KCNMA1: variants seen among roughly 807,000 people sequenced by gnomAD.
The protein encoded by KCNMA1 is potassium calcium-activated channel subfamily M alpha 1.
In KCNMA1, 29 loss-of-function variants were observed where a neutral mutation model predicts 140.0. The ratio of observed to expected loss-of-function variants is 0.21; its 90% CI spans 0.15 to 0.28. The LOEUF is 0.28. Ranked by LOEUF, KCNMA1 falls within the 10% of genes least tolerant of loss-of-function variation. The pLI is 1.00. For synonymous variants in KCNMA1, 612 were observed against 611.9 expected (o/e 1.00, Z 0.00); for missense variants, 880 against 1,602.2 (o/e 0.55, Z 7.70).
chr10:77,062,400 G>C (rs1343585749), intron 14 of KCNMA1, among the ~76,000 whole-genome samples: 1 of 152,102 alleles, frequency 6.6e-6, no homozygotes, highest in African/African-American at 2.4e-5. Flanking sequence ...TACCTAACCC[G>C]TCCGGATCTC....
intron 2 of KCNMA1, among the ~76,000 whole-genome samples, chr10:77,370,613 C>T (rs577003121): frequency 2.0e-5 from 3 of 152,112 alleles, no homozygotes; most frequent in Non-Finnish European, 4.4e-5. Flanking sequence ...ACTGCAGAAC[C>T]ACAGCATGTT....
At chr10:76,926,354 T>G (rs76652155) in intron 23 of KCNMA1, among the ~76,000 whole-genome samples, 2,693 of 152,270 alleles carry the variant, frequency 0.018, 82 homozygotes, top group African/African-American at 0.062. Context: ...AGTTTCCTCA[T>G]CTGCAAATTG....
intron 1 of KCNMA1, among the ~76,000 whole-genome samples, chr10:77,596,617 T>C (rs531128905): frequency 4.6e-5 from 7 of 152,294 alleles, no homozygotes; most frequent in African/African-American, 1.7e-4. Context: ...TGGGGAAGCA[T>C]TATCCTTAAG....
intron 5 of KCNMA1, among the ~76,000 whole-genome samples, chr10:77,178,863 T>G (rs1598030332): frequency 6.6e-6 from 1 of 152,200 alleles, no homozygotes; most frequent in East Asian, 1.9e-4. Context: ...AAGCTCTCAT[T>G]TCAAGGTGCA....
intron 3 of KCNMA1, among the ~76,000 whole-genome samples, chr10:77,208,264 T>C (rs748176119): frequency 7.2e-5 from 11 of 152,238 alleles, no homozygotes; most frequent in Non-Finnish European, 8.8e-5. Context: ...AAATGCCCAA[T>C]GTAAGAGCAC....
At chr10:77,537,912 G>A (rs981491395) in intron 1 of KCNMA1, among the ~76,000 whole-genome samples, 35 of 152,126 alleles carry the variant, frequency 2.3e-4, no homozygotes, top group African/African-American at 1.4e-4. Flanking sequence ...TTCCACGCCC[G>A]TTATGATGAT....
chr10:77,466,032 C>A (rs888133572), intron 1 of KCNMA1, among the ~76,000 whole-genome samples: 1 of 152,168 alleles, frequency 6.6e-6, no homozygotes, highest in African/African-American at 2.4e-5. Flanking sequence ...AAGTAGGATG[C>A]CCAGCAAGGG....
chr10:77,400,470 T>C (rs1404790743), intron 2 of KCNMA1, among the ~76,000 whole-genome samples: 2 of 152,258 alleles, frequency 1.3e-5, no homozygotes, highest in East Asian at 3.9e-4. Context: ...GGCTAAAAGA[T>C]GGTAATGTCA....
rs923907624 is a variant in KCNMA1, at chr10:77,027,694, C to G, written c.1928+129G>C. 5 of 817,602 alleles carry G rather than the reference C, an allele frequency of 6.1e-6. No homozygotes were observed. In the Admixed American group the frequency reaches 8.6e-5, roughly 14 times the overall value. 50.6% of individuals were successfully genotyped at this position (817,602 alleles called of 1,614,324 possible). A position where few individuals can be genotyped will look rare whatever the true frequency, so the allele number is the denominator to read the frequency against. ...CATGCCTCGAAATGTGCTCTAGGGTCAGAGAGGTTTTACATCTGGTTCCAT... is the reference window on the plus strand; with the variant it reads ...CATGCCTCGAAATGTGCTCTAGGGTGAGAGAGGTTTTACATCTGGTTCCAT... On this transcript the variant is annotated intron_variant, in intron 16 of 27. Coordinates refer to ENST00000286628, the MANE Select transcript of KCNMA1 (RefSeq NM_001161352.2).
At chr10:77,559,529 G>C (rs1341656347) in intron 1 of KCNMA1, among the ~76,000 whole-genome samples, 1 of 152,188 alleles carries the variant, frequency 6.6e-6, no homozygotes, top group African/African-American at 2.4e-5. Context: ...AGAACCTGTT[G>C]AGGCCACACC....
intron 2 of KCNMA1, among the ~76,000 whole-genome samples, chr10:77,255,661 C>T (rs2060569963): frequency 2.6e-5 from 4 of 151,826 alleles, no homozygotes; most frequent in Non-Finnish European, 5.9e-5. Context: ...CACCTGTAAT[C>T]CCAGCACTTT....
intron 19 of KCNMA1, among the ~76,000 whole-genome samples, chr10:76,976,424 A>G (rs1447696662): frequency 1.3e-5 from 2 of 152,224 alleles, no homozygotes; most frequent in Non-Finnish European, 2.9e-5. Flanking sequence ...CAGCTCCTCC[A>G]TAGGAGAGAG....
chr10:77,374,658 T>C (rs901296223), intron 2 of KCNMA1, among the ~76,000 whole-genome samples: 8 of 152,238 alleles, frequency 5.3e-5, no homozygotes, highest in Non-Finnish European at 7.3e-5. Context: ...ACAAGGATTA[T>C]TGCACTCCTG....
chr10:76,889,780 G>T, intron 26 of KCNMA1: 1 of 602,346 alleles, frequency 1.7e-6, no homozygotes, highest in South Asian at 1.9e-5. Context: ...TAACAATGGG[G>T]TTTTCCTCTG....
chr10:76,931,999 A>G (rs776679143), intron 23 of KCNMA1, among the ~76,000 whole-genome samples: 41 of 152,202 alleles, frequency 2.7e-4, no homozygotes, highest in Non-Finnish European at 5.1e-4. Flanking sequence ...GTAAAATTGT[A>G]ATAATAATAA....
chr10:77,551,526 C>T (rs2062839039), intron 1 of KCNMA1, among the ~76,000 whole-genome samples: 2 of 152,230 alleles, frequency 1.3e-5, no homozygotes, highest in South Asian at 4.1e-4. Context: ...ACAGTTGATG[C>T]TCTTTCCACC....
intron 5 of KCNMA1, among the ~76,000 whole-genome samples, chr10:77,168,369 T>C (rs1301556036): frequency 6.6e-6 from 1 of 152,194 alleles, no homozygotes; most frequent in Non-Finnish European, 1.5e-5. Context: ...GGATGTGTCA[T>C]TAGGCAATTT....
At chr10:77,197,850 T>C (rs2041086746) in intron 3 of KCNMA1, among the ~76,000 whole-genome samples, 1 of 151,476 alleles carries the variant, frequency 6.6e-6, no homozygotes. Context: ...ATGAGAGAGG[T>C]GAGTTACTTC....
chr10:77,231,990 A>G (rs1453935762), intron 3 of KCNMA1, among the ~76,000 whole-genome samples: 2 of 152,238 alleles, frequency 1.3e-5, no homozygotes, highest in African/African-American at 2.4e-5. Context: ...CTGACTCTAT[A>G]TATTTGCCTA....
Sources: gnomAD v4.1 joint callset for allele counts (sites outside exome capture counted in the v4.1 genomes callset) on GRCh38, gnomAD v4.1.1 for gene constraint, MANE v1.5 for transcripts, NCBI Gene and HGNC (gene_info 2026-07-23, HGNC 2026-07-21) for gene names.